Variants in FIGN observed in about 807,000 individuals in gnomAD.
The protein encoded by FIGN is fidgetin, microtubule severing factor.
A neutral mutation model predicts 51.3 loss-of-function variants in FIGN; 11 were observed. The observed-to-expected ratio is 0.21, with a 90% CI of 0.13 to 0.35. FIGN has a LOEUF of 0.35. FIGN is among the 10% of genes least tolerant of loss of function. The probability of loss-of-function intolerance (pLI) is 1.00; values close to 1 mark genes in which losing one functional copy is unlikely to be tolerated. For synonymous variants in FIGN, 407 were observed against 363.2 expected, an observed-to-expected ratio of 1.12 and a Z score of -1.37; for missense variants, 857 against 943.6, an observed-to-expected ratio of 0.91 and a Z score of 1.20.
chr2:163,680,697 G>C (rs1323326761), intron 2 of FIGN, among the ~76,000 whole-genome samples: 1 of 152,010 alleles, frequency 6.6e-6, no homozygotes, highest in African/African-American at 2.4e-5. Context: ...TCGCCTCTCT[G>C]TGCTTCCCCC....
intron 2 of FIGN, among the ~76,000 whole-genome samples, chr2:163,695,801 A>C (rs551134625): frequency 8.5e-5 from 13 of 152,238 alleles, no homozygotes; most frequent in African/African-American, 3.1e-4. Flanking sequence ...TGCTTAGCAC[A>C]TCTTGGATTC....
chr2:163,669,437 G>T (rs1683841266), intron 2 of FIGN, among the ~76,000 whole-genome samples: 1 of 152,070 alleles, frequency 6.6e-6, no homozygotes, highest in South Asian at 2.1e-4. Flanking sequence ...GCTTACTTCA[G>T]CTTCCAGAAA....
intron 2 of FIGN, among the ~76,000 whole-genome samples, chr2:163,732,658 T>A (rs1230620606): frequency 6.6e-6 from 1 of 152,222 alleles, no homozygotes; most frequent in Non-Finnish European, 1.5e-5. Flanking sequence ...ACTTCACACA[T>A]AGTGAAATCC....
In FIGN at chr2:163,631,883, C is replaced by T. The variant is rs140178893; in HGVS notation, c.26-20077G>A. 4.5e-3 allele frequency among the ~76,000 whole-genome samples: 691 copies of T among 152,300 alleles called. 4 individuals are homozygous for T. Among genetic ancestry groups the T allele is most frequent in the African/African-American group, 0.016 (646 of 41,564 alleles). ...TTAAGGTAGGCTGGGCGCAGTGACT[C>T]ACACCTGTAATCCCAGCACTTTGGG... On this transcript the variant is annotated intron_variant, in intron 2 of 2. Transcript: ENST00000333129.
Position 163,609,508 on chromosome 2 carries a change from G to C in FIGN, c.*44C>G. 6.5e-7 allele frequency: 1 copy of C among 1,528,798 alleles called. No individual in the cohort carries two copies. Among genetic ancestry groups the C allele is most frequent in the Non-Finnish European group, 8.9e-7 (1 of 1,128,584 alleles). 94.7% of individuals were successfully genotyped at this position (1,528,798 alleles called of 1,614,324 possible). On this transcript the variant is annotated 3_prime_UTR_variant, in exon 3 of 3. Coordinates refer to ENST00000333129, the MANE Select transcript of FIGN (RefSeq NM_018086.4). ...ATTCCCTATGTAGCAGGTTTTATGT[G>C]TGTGTGCCAACATTCATTACATTTT...
intron 2 of FIGN, among the ~76,000 whole-genome samples, chr2:163,700,629 A>G (rs1684394125): frequency 6.6e-6 from 1 of 152,048 alleles, no homozygotes; most frequent in African/African-American, 2.4e-5. Flanking sequence ...CAAAAAGGGG[A>G]GAGTTCAGTC....
intron 2 of FIGN, among the ~76,000 whole-genome samples, chr2:163,683,825 A>C (rs1021258638): frequency 2.6e-5 from 4 of 152,170 alleles, no homozygotes; most frequent in African/African-American, 9.7e-5. Flanking sequence ...AGGCCTAGAG[A>C]ACATGTTTTA....
chr2:163,674,182 T>G (rs1049825364), intron 2 of FIGN, among the ~76,000 whole-genome samples: 2 of 152,194 alleles, frequency 1.3e-5, no homozygotes, highest in African/African-American at 4.8e-5. Flanking sequence ...TTAGTTTTAC[T>G]AACTCCAATT....
chr2:163,619,481 C>T (rs779718174), intron 2 of FIGN, among the ~76,000 whole-genome samples: 2 of 152,080 alleles, frequency 1.3e-5, no homozygotes, highest in Non-Finnish European at 2.9e-5. Flanking sequence ...ATTGGGTTCT[C>T]TACAATGCAT....
At chr2:163,635,700 C>T (rs937527612) in intron 2 of FIGN, among the ~76,000 whole-genome samples, 2 of 152,096 alleles carry the variant, frequency 1.3e-5, no homozygotes, top group Non-Finnish European at 2.9e-5. Flanking sequence ...ATTAACAGAG[C>T]GTATACCATG....
intron 2 of FIGN, among the ~76,000 whole-genome samples, chr2:163,661,829 C>G (rs1008007154): frequency 2.6e-5 from 4 of 152,112 alleles, no homozygotes; most frequent in Admixed American, 2.6e-4. Flanking sequence ...GTAAGAAGTG[C>G]CTTTCGCCTC....
In FIGN at chr2:163,604,141, A is replaced by G. The variant is rs970635323; in HGVS notation, c.*5411T>C. 6.6e-6 allele frequency: 1 copy of G among 152,092 alleles called. No homozygotes were observed. Among genetic ancestry groups the G allele is most frequent in the Non-Finnish European group, 1.5e-5 (1 of 67,980 alleles). 9.4% of individuals were successfully genotyped at this position (152,092 alleles called of 1,614,324 possible). A position where few individuals can be genotyped will look rare whatever the true frequency, so the allele number is the denominator to read the frequency against. ...GGAGTCACAGAATTAAAATGAAGGC[A>G]TTTTCAATCACTGAAGACTATAGTT... is the stretch of plus-strand genomic sequence containing the variant. On this transcript the variant is annotated 3_prime_UTR_variant, in exon 3 of 3. Coordinates refer to ENST00000333129, the MANE Select transcript of FIGN (RefSeq NM_018086.4).
At chr2:163,632,811 G>A (rs1037351237) in intron 2 of FIGN, among the ~76,000 whole-genome samples, 2 of 152,090 alleles carry the variant, frequency 1.3e-5, no homozygotes, top group African/African-American at 4.8e-5. Context: ...AATGCTCTCT[G>A]ATCCTTTCAC....
chr2:163,658,364 G>GCTCTCTCTCTCTCTCTCTCT (rs55894952), intron 2 of FIGN, among the ~76,000 whole-genome samples: 2 of 137,702 alleles, frequency 1.5e-5, no homozygotes, highest in African/African-American at 5.5e-5. Flanking sequence ...TTAAGAAACA[G>GCTCTCTCTCTCTCTCTCTCT]CTCTCTCTCT....
chr2:163,733,804 G>C (rs563364056), intron 2 of FIGN, among the ~76,000 whole-genome samples: 1 of 152,254 alleles, frequency 6.6e-6, no homozygotes, highest in Admixed American at 6.5e-5. Flanking sequence ...TTTGTGTTAG[G>C]AGAGAGCAGT....
intron 2 of FIGN, among the ~76,000 whole-genome samples, chr2:163,640,087 A>G (rs558566459): frequency 1.3e-5 from 2 of 152,320 alleles, no homozygotes; most frequent in Admixed American, 6.5e-5. Flanking sequence ...GCTTCCTGCA[A>G]GAAGTATCAT....
At chr2:163,673,454 T>C (rs1020321676) in intron 2 of FIGN, among the ~76,000 whole-genome samples, 15 of 152,098 alleles carry the variant, frequency 9.9e-5, no homozygotes, top group African/African-American at 3.6e-4. Context: ...AAGATTTCAG[T>C]GTACAATGCT....
At chr2:163,613,444 C>T (rs759841253) in intron 2 of FIGN, among the ~76,000 whole-genome samples, 11 of 152,116 alleles carry the variant, frequency 7.2e-5, no homozygotes, top group Non-Finnish European at 1.5e-4. Flanking sequence ...TTCCTCCAAG[C>T]TCTGTGGCTC....
rs566357581 is a variant in FIGN, at chr2:163,605,797, A to G, written c.*3755T>C. The stretch of plus-strand genomic sequence containing the variant: ...AGTCTCTTTCTGCTTGGAGTTGGAT[A>G]CATTTTTAGAGAAAGAAATTCTAAA... On this transcript the variant is annotated 3_prime_UTR_variant, in exon 3 of 3. Coordinates refer to ENST00000333129, the MANE Select transcript of FIGN (RefSeq NM_018086.4). 6.6e-6 allele frequency: 1 copy of G among 152,200 alleles called. No homozygotes were observed. The highest frequency in any genetic ancestry group is 1.9e-4 in the East Asian group (1 of 5,178). The allele number at this position is 152,200 out of a possible 1,614,324, so 9.4% of individuals were successfully genotyped here. A position where few individuals can be genotyped will look rare whatever the true frequency, so the allele number is the denominator to read the frequency against.
Sources: gnomAD v4.1 joint callset for allele counts (sites outside exome capture counted in the v4.1 genomes callset) on GRCh38, gnomAD v4.1.1 for gene constraint, MANE v1.5 for transcripts, NCBI Gene and HGNC (gene_info 2026-07-23, HGNC 2026-07-21) for gene names.